The following PPM1L variants were observed in gnomAD, a reference collection of about 807,000 sequenced individuals.
PPM1L encodes the protein protein phosphatase, Mg2+/Mn2+ dependent 1L.
In PPM1L, 13 loss-of-function variants were observed where a neutral mutation model predicts 31.4. The ratio of observed to expected loss-of-function variants is 0.41; its 90% CI spans 0.27 to 0.66. The LOEUF is 0.66. Among genes scored for constraint, PPM1L ranks in the 30% least tolerant of loss-of-function variants. PPM1L has a pLI of 0.29. For synonymous variants in PPM1L, 184 were observed against 175.4 expected, an observed-to-expected ratio of 1.05 and a Z score of -0.39; for missense variants, 326 against 453.7, an observed-to-expected ratio of 0.72 and a Z score of 2.56.
rs59297068 is a variant in PPM1L, at chr3:160,960,558, TTGTGTGTGTGTGTGTGTGTG to T, written c.400-1153_400-1134del. ...TTTGTTTGTTCGTTTTTTAGCAGTT[TTGTGTGTGTGTGTGTGTGTG>T]TGTGTGTGTGTGTGTGTGTGTGTGA... On this transcript the variant is annotated intron_variant, in intron 1 of 3. Coordinates refer to ENST00000498165, the MANE Select transcript of PPM1L (RefSeq NM_139245.4). 4.0e-4 allele frequency among the ~76,000 whole-genome samples: 58 copies of T among 145,572 alleles called. 2 individuals are homozygous for T. The South Asian group carries it at 0.013, about 32-fold the overall frequency.
intron 1 of PPM1L, among the ~76,000 whole-genome samples, chr3:160,927,057 A>C (rs1370531915): frequency 6.6e-6 from 1 of 152,224 alleles, no homozygotes; most frequent in Non-Finnish European, 1.5e-5. Context: ...AAATGTGTTA[A>C]TATTGTGTAA....
intron 1 of PPM1L, among the ~76,000 whole-genome samples, chr3:160,909,538 T>C (rs1196543497): frequency 2.6e-5 from 4 of 152,190 alleles, no homozygotes; most frequent in African/African-American, 9.7e-5. Context: ...GTTGCCTGGG[T>C]TCAGAATAGA....
intron 1 of PPM1L, among the ~76,000 whole-genome samples, chr3:160,812,473 T>C (rs758899108): frequency 7.2e-5 from 11 of 152,178 alleles, no homozygotes; most frequent in Admixed American, 1.3e-4. Flanking sequence ...GTACTTTTCA[T>C]AGGAGGCTGA....
chr3:160,779,078 AT>A (rs112076308), intron 1 of PPM1L, among the ~76,000 whole-genome samples: 2,985 of 135,818 alleles, frequency 0.022, 73 homozygotes, highest in African/African-American at 0.069. Flanking sequence ...CTGTTATTAC[AT>A]TTTTTTTTTT....
At chr3:161,004,765 A>G (rs1381061130) in intron 2 of PPM1L, among the ~76,000 whole-genome samples, 4 of 149,996 alleles carry the variant, frequency 2.7e-5, no homozygotes, top group Non-Finnish European at 4.4e-5. Context: ...CGGTCTATCA[A>G]TTTTGTTGAT....
intron 1 of PPM1L, among the ~76,000 whole-genome samples, chr3:160,822,292 A>G (rs1393783132): frequency 6.6e-6 from 1 of 152,018 alleles, no homozygotes; most frequent in Non-Finnish European, 1.5e-5. Context: ...ATATGAGATC[A>G]TCCCATGATC....
chr3:160,986,081 C>T (rs1172865245), intron 2 of PPM1L, among the ~76,000 whole-genome samples: 1 of 152,174 alleles, frequency 6.6e-6, no homozygotes, highest in East Asian at 1.9e-4. Context: ...TTATAAAAAC[C>T]TGCCTAGCAA....
At chr3:160,821,770 T>G (rs1713209236) in intron 1 of PPM1L, among the ~76,000 whole-genome samples, 1 of 152,024 alleles carries the variant, frequency 6.6e-6, no homozygotes, top group Non-Finnish European at 1.5e-5. Context: ...TTCTTTATCT[T>G]TAATCCCATT....
intron 1 of PPM1L, among the ~76,000 whole-genome samples, chr3:160,797,673 C>T (rs1712299963): frequency 6.6e-6 from 1 of 152,196 alleles, no homozygotes; most frequent in Admixed American, 6.5e-5. Flanking sequence ...GTAAGACAGC[C>T]TTCTTGCCAA....
chr3:160,756,733 T>C lies in PPM1L; in HGVS notation c.399+26T>C. On this transcript the variant is annotated intron_variant, in intron 1 of 3. Coordinates refer to ENST00000498165, the MANE Select transcript of PPM1L (RefSeq NM_139245.4). The surrounding 1 kb of genome is among the most constrained non-coding windows in gnomAD (Gnocchi z 6.2). ...GTAGGAGCTACCCCGGGGCTTTGTA[T>C]TTGTGTCCGTGTATGTCTCGTGTGT... 6.2e-7 allele frequency: 1 copy of C among 1,601,574 alleles called. No homozygotes were observed. Among genetic ancestry groups the C allele is most frequent in the Non-Finnish European group, 8.5e-7 (1 of 1,174,658 alleles).
intron 1 of PPM1L, among the ~76,000 whole-genome samples, chr3:160,954,924 T>TTCCTTCCTTCC (rs1715703677): frequency 9.3e-5 from 8 of 85,932 alleles, no homozygotes; most frequent in Non-Finnish European, 1.5e-4. Flanking sequence ...TCCTTCCTTC[T>TTCCTTCCTTCC]TTCCTTCCTT....
chr3:160,813,479 A>G (rs1302493387), intron 1 of PPM1L, among the ~76,000 whole-genome samples: 2 of 152,142 alleles, frequency 1.3e-5, no homozygotes, highest in African/African-American at 2.4e-5. Flanking sequence ...AGCTGGGACT[A>G]CAGGTGCGTG....
intron 2 of PPM1L, among the ~76,000 whole-genome samples, chr3:161,051,627 A>G (rs1402847411): frequency 1.3e-5 from 2 of 152,130 alleles, no homozygotes; most frequent in African/African-American, 2.4e-5. Flanking sequence ...AGTCAGTTTT[A>G]TAGTCTGCTG....
At chr3:160,808,432 G>A (rs199858241) in intron 1 of PPM1L, among the ~76,000 whole-genome samples, 1 of 139,922 alleles carries the variant, frequency 7.1e-6, no homozygotes, top group Non-Finnish European at 1.5e-5. Context: ...TGGTGGGTGA[G>A]GGAAGCTGGG....
At chr3:161,007,350 G>C (rs993541588) in intron 2 of PPM1L, among the ~76,000 whole-genome samples, 1 of 152,202 alleles carries the variant, frequency 6.6e-6, no homozygotes, top group African/African-American at 2.4e-5. Context: ...GGACCATGAA[G>C]GTGGATATCC....
At chr3:160,767,848 A>G (rs1031211616) in intron 1 of PPM1L, among the ~76,000 whole-genome samples, 12 of 152,184 alleles carry the variant, frequency 7.9e-5, no homozygotes, top group African/African-American at 2.9e-4. Context: ...TTTTATTCTG[A>G]TAAGTGTATA....
At chr3:161,011,500 G>T (rs1717893408) in intron 2 of PPM1L, among the ~76,000 whole-genome samples, 1 of 152,000 alleles carries the variant, frequency 6.6e-6, no homozygotes, top group South Asian at 2.1e-4. Flanking sequence ...GGCAATGTGG[G>T]CTCTTTTTTG....
At chr3:160,786,153 CTCTCTGTG>C (rs1249496795) in intron 1 of PPM1L, among the ~76,000 whole-genome samples, 9 of 74,202 alleles carry the variant, frequency 1.2e-4, no homozygotes, top group African/African-American at 7.4e-4. Flanking sequence ...CTCTCTCTCT[CTCTCTGTG>C]TGTGTGTGTG....
intron 1 of PPM1L, among the ~76,000 whole-genome samples, chr3:160,957,822 C>T (rs184183420): frequency 0.012 from 1,833 of 152,132 alleles, 41 homozygotes; most frequent in African/African-American, 0.043. Flanking sequence ...GTGATCCGCC[C>T]GCCTCAGCCT....
Sources: gnomAD v4.1 joint callset for allele counts (sites outside exome capture counted in the v4.1 genomes callset) on GRCh38, gnomAD v4.1.1 for gene constraint, Gnocchi (gnomAD v3.1) non-coding constraint, MANE v1.5 for transcripts, NCBI Gene and HGNC (gene_info 2026-07-23, HGNC 2026-07-21) for gene names.